The following KIF24 variants were observed in gnomAD, a reference collection of about 807,000 sequenced individuals.
The protein encoded by KIF24 is kinesin-like protein KIF24.
Under a neutral mutation model 118.9 loss-of-function variants are expected in KIF24, and 81 were observed. The observed-to-expected ratio is 0.68, with a 90% CI of 0.57 to 0.82. The LOEUF (loss-of-function observed/expected upper bound fraction) is 0.82. KIF24 is among the 40% of genes least tolerant of loss of function. The pLI, the probability that KIF24 is intolerant of heterozygous loss-of-function variation, is 0.00. For missense variants in KIF24, 1,560 were observed against 1,661.6 expected (o/e 0.94, Z 1.06); for synonymous variants, 599 against 610.0 (o/e 0.98, Z 0.27).
chr9:34,252,914 T>G lies in KIF24; in HGVS notation c.*1466A>C, dbSNP rs970259341. ...AAACTGTTTCACCAGCTCTCAGTGG[T>G]GCTGTTGTATATGATGATAGAATAG... On this transcript the variant is annotated 3_prime_UTR_variant, in exon 13 of 13. Coordinates refer to ENST00000402558, the MANE Select transcript of KIF24 (RefSeq NM_194313.4). 2.0e-5 allele frequency: 3 copies of G among 152,116 alleles called. No homozygotes were observed. Among genetic ancestry groups the G allele is most frequent in the Non-Finnish European group, 4.4e-5 (3 of 68,034 alleles). 9.4% of individuals were successfully genotyped at this position (152,116 alleles called of 1,614,324 possible). A position where few individuals can be genotyped will look rare whatever the true frequency, so the allele number is the denominator to read the frequency against.
Position 34,297,100 on chromosome 9 carries a change from A to C in KIF24, c.828T>G (p.Phe276Leu). ...TGCACGCCTCACCAAAGACTTCATC[A>C]AAATAAAAAACATGCTGAAAAATAA... Reference protein sequence around the residue: ...TQYILQHVFYFDEVFGEACTN... With the variant: ...TQYILQHVFYLDEVFGEACTN... Residue 276 changes from phenylalanine (F) to leucine (L), a missense_variant, in exon 4 of 13, where the codon TTT (phenylalanine) becomes TTG (leucine). Physicochemically the swap from Phe to Leu is conservative, Grantham distance 22. Coordinates refer to ENST00000402558, the MANE Select transcript of KIF24 (RefSeq NM_194313.4). 5.1e-6 allele frequency: 8 copies of C among 1,568,880 alleles called. No individual in the cohort carries two copies. The highest frequency in any genetic ancestry group is 7.0e-6 in the Non-Finnish European group (8 of 1,150,954).
At chr9:34,307,023 A>T (rs997255215) in intron 2 of KIF24, among the ~76,000 whole-genome samples, 3 of 152,050 alleles carry the variant, frequency 2.0e-5, no homozygotes, top group African/African-American at 7.2e-5. Flanking sequence ...ATTTTATACA[A>T]TTGTTTCATA....
At chr9:34,324,961 GTTAA>G (rs1180449800) in intron 1 of KIF24, among the ~76,000 whole-genome samples, 2 of 151,870 alleles carry the variant, frequency 1.3e-5, no homozygotes, top group Non-Finnish European at 2.9e-5. Flanking sequence ...TATTATTACA[GTTAA>G]TTATATTAAT....
At position 34,286,693 on chromosome 9, in the gene KIF24, C is replaced by T. The variant is rs367662550; in HGVS notation, c.1139G>A (p.Arg380Lys). The T allele has an allele frequency of 9.9e-6, 16 of 1,612,802 alleles. No homozygotes were observed. Among genetic ancestry groups the T allele is most frequent in the Admixed American group, 1.7e-5 (1 of 60,000 alleles). ...LLNRRKRLFA[R>K]EDSKHMVQIV... ...CTGCACCATGTGCTTGCTATCTTCT[C>T]TTGCAAAGAGCCTGCAGATGCAAGA... The change falls in exon 6 of 13, where the codon AGA (arginine) becomes AAA (lysine). Residue 380 changes from arginine to lysine, a missense_variant. Coordinates refer to ENST00000402558, the MANE Select transcript of KIF24 (RefSeq NM_194313.4).
chr9:34,257,507 G>A lies in KIF24; in HGVS notation c.2100C>T (p.Ser700=), dbSNP rs999641543. ...CTGTCTGCACTTTCTTGCACTTGGT[G>A]GACAGCTTACCACGCACTAGGCCTT... ...PGEGLVRGKL[S]TKCKKVQTVQ... is the part of the protein sequence containing the mutation. The change falls in exon 11 of 13, where the codon TCC becomes TCT. Residue 700 remains serine (S), a synonymous_variant. Coordinates refer to ENST00000402558, the MANE Select transcript of KIF24 (RefSeq NM_194313.4). 2 of 1,614,068 alleles carry A rather than the reference G, an allele frequency of 1.2e-6. No individual in the cohort carries two copies. Among genetic ancestry groups the A allele is most frequent in the Non-Finnish European group, 1.7e-6 (2 of 1,179,900 alleles).
chr9:34,286,113 C>G (rs1836042029), intron 6 of KIF24, among the ~76,000 whole-genome samples: 1 of 151,652 alleles, frequency 6.6e-6, no homozygotes, highest in African/African-American at 2.4e-5. Flanking sequence ...GCGGGTGGAT[C>G]ACCTGAGGTC....
chr9:34,276,272 C>T (rs563792655), intron 6 of KIF24, among the ~76,000 whole-genome samples: 8 of 151,844 alleles, frequency 5.3e-5, no homozygotes, highest in Admixed American at 1.3e-4. Context: ...GATGGTGGTG[C>T]GCACCTGTAA....
chr9:34,314,204 C>T (rs1029952770), intron 1 of KIF24, among the ~76,000 whole-genome samples: 1 of 152,100 alleles, frequency 6.6e-6, no homozygotes, highest in African/African-American at 2.4e-5. Flanking sequence ...CGCTCTGTTG[C>T]TCAGGCTGGA....
chr9:34,271,693 T>C, intron 7 of KIF24, 116 bp downstream of exon 7: 1 of 1,061,468 alleles, frequency 9.4e-7, no homozygotes, highest in Non-Finnish European at 1.4e-6. Flanking sequence ...CTCTACTCTG[T>C]ATCCCTGCAA....
chr9:34,285,847 G>C (rs1403049872), intron 6 of KIF24, among the ~76,000 whole-genome samples: 2 of 149,780 alleles, frequency 1.3e-5, no homozygotes, highest in African/African-American at 4.9e-5. Flanking sequence ...CCAGCTACTT[G>C]GGAGGCTGAA....
chr9:34,313,165 T>C (rs997551132), intron 1 of KIF24, among the ~76,000 whole-genome samples: 5 of 152,236 alleles, frequency 3.3e-5, no homozygotes, highest in Non-Finnish European at 7.3e-5. Context: ...GCGACTTCCA[T>C]GCCTAGGCCT....
chr9:34,332,594 A>G (rs1837974931), upstream of KIF24, among the ~76,000 whole-genome samples: 1 of 152,130 alleles, frequency 6.6e-6, no homozygotes, highest in Non-Finnish European at 1.5e-5. Context: ...AATCCCCTTC[A>G]CTAAGAATGA....
Position 34,254,276 on chromosome 9 carries a change from T to C in KIF24, c.*104A>G. On this transcript the variant is annotated 3_prime_UTR_variant, in exon 13 of 13. Transcript: ENST00000402558. ...CGCTAGCATAGGCAGGACCAGCGTGTGGGTTCTGGTGTGTGCAGGGAGGAC... is the reference window on the plus strand; with the variant it reads ...CGCTAGCATAGGCAGGACCAGCGTGCGGGTTCTGGTGTGTGCAGGGAGGAC... 1 of 1,282,630 alleles carries C rather than the reference T, an allele frequency of 7.8e-7. No individual in the cohort carries two copies. Among genetic ancestry groups the C allele is most frequent in the Non-Finnish European group, 1.0e-6 (1 of 964,704 alleles). The allele number at this position is 1,282,630 out of a possible 1,614,324, so 79.5% of individuals were successfully genotyped here.
In KIF24 at chr9:34,257,669, G is replaced by A. The variant is rs748934799; in HGVS notation, c.1938C>T (p.Ser646=). The stretch of plus-strand genomic sequence containing the variant: ...CAGAGCGCACAGTTCCTTTCACAGG[G>A]CTAGCATGAATGACCCACTCTTGTG... ...SPSQEWVIHA[S]PVKGTVRSGH... Residue 646 remains serine, a synonymous_variant, in exon 11 of 13, where the codon AGC becomes AGT. Transcript: ENST00000402558. The A allele has an allele frequency of 6.2e-7, 1 of 1,614,018 alleles. No individual in the cohort carries two copies. The highest frequency in any genetic ancestry group is 1.1e-5 in the South Asian group (1 of 91,082).
At chr9:34,292,566 G>C (rs1358987646) in intron 4 of KIF24, among the ~76,000 whole-genome samples, 1 of 152,188 alleles carries the variant, frequency 6.6e-6, no homozygotes, top group Non-Finnish European at 1.5e-5. Flanking sequence ...GGGGAGGCTG[G>C]AGGTGGGCAG....
intron 1 of KIF24, among the ~76,000 whole-genome samples, chr9:34,311,748 G>GTATATATGTGTATATATACATA (rs1554666552): frequency 9.0e-5 from 12 of 132,982 alleles, no homozygotes; most frequent in African/African-American, 3.1e-4. Context: ...ACATATATAC[G>GTATATATGTGTATATATACATA]TATATATGTG....
intron 11 of KIF24, 42 bp downstream of exon 11, chr9:34,255,693 G>A (rs766497874): frequency 1.7e-5 from 26 of 1,519,666 alleles, no homozygotes; most frequent in Non-Finnish European, 2.2e-5. Flanking sequence ...TGGAGGGTGG[G>A]TGCCAAAGGG....
chr9:34,322,734 G>C (rs550941966), intron 1 of KIF24, among the ~76,000 whole-genome samples: 1 of 152,212 alleles, frequency 6.6e-6, no homozygotes, highest in Non-Finnish European at 1.5e-5. Flanking sequence ...TATGCCTTTA[G>C]TCACAGCTAC....
chr9:34,299,774 C>A (rs996058294), intron 3 of KIF24, among the ~76,000 whole-genome samples: 8 of 149,532 alleles, frequency 5.4e-5, no homozygotes, highest in East Asian at 2.0e-4. Context: ...AATATATATT[C>A]TTTTATATAT....
Sources: gnomAD v4.1 joint callset for allele counts (sites outside exome capture counted in the v4.1 genomes callset) on GRCh38, gnomAD v4.1.1 for gene constraint, MANE v1.5 for transcripts, NCBI Gene and HGNC (gene_info 2026-07-23, HGNC 2026-07-21) for gene names.